The following DSCAM variants were observed in gnomAD, a reference collection of about 807,000 sequenced individuals.
The protein encoded by DSCAM is DS cell adhesion molecule, also known as cell adhesion molecule DSCAM.
Under a neutral mutation model 217.7 loss-of-function variants are expected in DSCAM, and 47 were observed. The observed-to-expected ratio is 0.22, with a 90% CI of 0.17 to 0.28. DSCAM has a LOEUF of 0.28. Among genes scored for constraint, DSCAM ranks in the 10% least tolerant of loss-of-function variants. The pLI is 1.00. For missense variants in DSCAM, 2,080 were observed against 2,618.3 expected, an observed-to-expected ratio of 0.79 and a Z score of 4.49; for synonymous variants, 1,056 against 1,015.3, an observed-to-expected ratio of 1.04 and a Z score of -0.76.
intron 14 of DSCAM, among the ~76,000 whole-genome samples, chr21:40,183,917 T>C (rs938912222): frequency 1.3e-5 from 2 of 152,188 alleles, no homozygotes; most frequent in Non-Finnish European, 1.5e-5. Flanking sequence ...ATTTGACTAA[T>C]GGTTATTATG....
chr21:40,801,380 G>A (rs1358790484), intron 1 of DSCAM, among the ~76,000 whole-genome samples: 1 of 152,198 alleles, frequency 6.6e-6, no homozygotes, highest in African/African-American at 2.4e-5. Flanking sequence ...AAGTTAATAA[G>A]TGTGTTCAGG....
At chr21:40,601,011 T>A (rs1170807468) in intron 3 of DSCAM, among the ~76,000 whole-genome samples, 1 of 152,184 alleles carries the variant, frequency 6.6e-6, no homozygotes, top group Non-Finnish European at 1.5e-5. Context: ...CTATTCTAGG[T>A]CTTTTAGCTT....
chr21:40,372,226 G>T (rs972446200), intron 3 of DSCAM, among the ~76,000 whole-genome samples: 1 of 152,116 alleles, frequency 6.6e-6, no homozygotes, highest in Non-Finnish European at 1.5e-5. Context: ...GCCACCAAAG[G>T]TTTCCATGTC....
chr21:40,058,305 T>C lies in DSCAM; in HGVS notation c.4920-2465A>G, dbSNP rs150375389. Among the ~76,000 whole-genome samples, 1,052 of 152,284 alleles carry C rather than the reference T, an allele frequency of 6.9e-3. 14 individuals are homozygous for C. The highest frequency in any genetic ancestry group is 0.024 in the African/African-American group (1,009 of 41,552). On this transcript the variant is annotated intron_variant, in intron 28 of 32. Coordinates refer to ENST00000400454, the MANE Select transcript of DSCAM (RefSeq NM_001389.5). ...GACTCAGATGCCATCATCTTTCCAG[T>C]GGAGCCAGGCTGGCCCTGCGATGGG... is the stretch of plus-strand genomic sequence containing the variant.
chr21:40,650,231 C>T (rs1006304449), intron 3 of DSCAM, among the ~76,000 whole-genome samples: 1 of 152,130 alleles, frequency 6.6e-6, no homozygotes, highest in Non-Finnish European at 1.5e-5. Context: ...AGCATTTATT[C>T]CCTATCTGTC....
At chr21:40,209,624 T>C (rs1435714299) in intron 11 of DSCAM, among the ~76,000 whole-genome samples, 4 of 152,122 alleles carry the variant, frequency 2.6e-5, no homozygotes, top group African/African-American at 9.7e-5. Flanking sequence ...CCAAGCTTTC[T>C]CCCTGTCCCT....
chr21:40,312,848 C>T (rs1013893512), intron 8 of DSCAM, among the ~76,000 whole-genome samples: 1 of 152,152 alleles, frequency 6.6e-6, no homozygotes, highest in Non-Finnish European at 1.5e-5. Flanking sequence ...TGTGGTGGCT[C>T]ACACCTGTAA....
At position 40,410,995 on chromosome 21, in the gene DSCAM, ATAAT is replaced by A. The variant is rs1328588639; in HGVS notation, c.509-41754_509-41751del. ...ATCAGTTTTAAAATATCTTTAAAAG[ATAAT>A]TAACCATTTAAAAGATAATTAACCA... On this transcript the variant is annotated intron_variant, in intron 3 of 32. Coordinates refer to ENST00000400454, the MANE Select transcript of DSCAM (RefSeq NM_001389.5). Among the ~76,000 whole-genome samples the A allele has an allele frequency of 2.0e-5, 3 of 152,188 alleles. No individual in the cohort carries two copies. The East Asian group carries it at 5.8e-4, about 29-fold the overall frequency.
At chr21:40,761,016 C>A (rs1601225841) in intron 1 of DSCAM, among the ~76,000 whole-genome samples, 1 of 152,198 alleles carries the variant, frequency 6.6e-6, no homozygotes, top group South Asian at 2.1e-4. Flanking sequence ...TGCCTTCCTT[C>A]TTCTGGAATG....
chr21:40,511,363 G>T (rs558562385), intron 3 of DSCAM, among the ~76,000 whole-genome samples: 11 of 152,236 alleles, frequency 7.2e-5, no homozygotes, highest in African/African-American at 2.4e-4. Flanking sequence ...TCAGCTTAAT[G>T]TAAGTTATTA....
intron 32 of DSCAM, among the ~76,000 whole-genome samples, chr21:40,015,145 C>T (rs1490168473): frequency 6.6e-6 from 1 of 152,170 alleles, no homozygotes; most frequent in Non-Finnish European, 1.5e-5. Flanking sequence ...CTATCTTTTC[C>T]ATTTTGCTCT....
intron 1 of DSCAM, among the ~76,000 whole-genome samples, chr21:40,727,792 A>G (rs2090972111): frequency 6.6e-6 from 1 of 152,078 alleles, no homozygotes; most frequent in Non-Finnish European, 1.5e-5. Context: ...TGAGGACCCC[A>G]TTCTCCAGGT....
intron 8 of DSCAM, among the ~76,000 whole-genome samples, chr21:40,333,047 G>A (rs559270068): frequency 6.6e-6 from 1 of 152,282 alleles, no homozygotes; most frequent in East Asian, 1.9e-4. Context: ...TCCCAAGGAA[G>A]CCAATTTTTA....
intron 1 of DSCAM, among the ~76,000 whole-genome samples, chr21:40,731,889 C>T (rs547838468): frequency 3.9e-5 from 6 of 152,120 alleles, no homozygotes; most frequent in African/African-American, 1.2e-4. Context: ...CCACATCTGG[C>T]TAATTTTTTG....
intron 9 of DSCAM, among the ~76,000 whole-genome samples, chr21:40,299,325 C>T (rs557909975): frequency 1.3e-5 from 2 of 152,226 alleles, no homozygotes; most frequent in South Asian, 4.1e-4. Context: ...TGTAAATATT[C>T]AATCCCTAAG....
intron 3 of DSCAM, among the ~76,000 whole-genome samples, chr21:40,516,996 TAC>T (rs2076305819): frequency 6.8e-6 from 1 of 147,582 alleles, no homozygotes; most frequent in African/African-American, 2.5e-5. Context: ...TACATATATA[TAC>T]ACCATATATA....
chr21:40,045,760 C>T (rs2088832737), intron 30 of DSCAM, among the ~76,000 whole-genome samples: 1 of 152,204 alleles, frequency 6.6e-6, no homozygotes, highest in Admixed American at 6.5e-5. Context: ...ACTGTATTCA[C>T]TGTTGGGCTC....
At chr21:40,564,185 C>A (rs1002627632) in intron 3 of DSCAM, among the ~76,000 whole-genome samples, 4 of 152,238 alleles carry the variant, frequency 2.6e-5, no homozygotes, top group African/African-American at 9.6e-5. Flanking sequence ...GTTTCTTTTC[C>A]TTAAAATCTT....
chr21:40,340,167 A>C (rs1245050335), intron 6 of DSCAM, among the ~76,000 whole-genome samples: 2 of 152,146 alleles, frequency 1.3e-5, no homozygotes, highest in Non-Finnish European at 2.9e-5. Context: ...TGGCCATATA[A>C]TTTAACATCC....
Sources: allele counts gnomAD v4.1 joint callset (sites outside exome capture counted in the v4.1 genomes callset), GRCh38; gene constraint gnomAD v4.1.1; transcripts MANE v1.5; gene names NCBI Gene and HGNC (gene_info 2026-07-23, HGNC 2026-07-21).